Variants in PHC2 observed in about 807,000 individuals in gnomAD.
PHC2 encodes polyhomeotic homolog 2.
PHC2 carries 29 observed loss-of-function variants against 87.4 expected under a neutral mutation model. That is an observed-to-expected ratio of 0.33 (90% CI 0.25 to 0.45). The LOEUF (loss-of-function observed/expected upper bound fraction) is 0.45. Among genes scored for constraint, PHC2 ranks in the 20% least tolerant of loss-of-function variants. The pLI is 1.00. For synonymous variants in PHC2, 438 were observed against 461.7 expected (o/e 0.95, Z 0.66); for missense variants, 857 against 1,136.7 (o/e 0.75, Z 3.54).
chr1:33,353,922 C>A (rs539089346), intron 9 of PHC2, among the ~76,000 whole-genome samples: 4 of 152,212 alleles, frequency 2.6e-5, no homozygotes, highest in African/African-American at 9.7e-5. Context: ...CAGAGCTGAG[C>A]AGTTTTCCTC....
intron 1 of PHC2, among the ~76,000 whole-genome samples, chr1:33,423,914 TG>T (rs1289270784): frequency 6.6e-6 from 1 of 152,008 alleles, no homozygotes; most frequent in Non-Finnish European, 1.5e-5. Flanking sequence ...CTGGACAACG[TG>T]GTGAAACCAC....
chr1:33,350,717 C>A (rs1363107137), intron 9 of PHC2, among the ~76,000 whole-genome samples: 2 of 152,222 alleles, frequency 1.3e-5, no homozygotes, highest in Middle Eastern at 3.4e-3. Context: ...CTTCTCCCCC[C>A]ACCCCTTTCC....
At chr1:33,391,681 T>C (rs1041955904) in intron 1 of PHC2, among the ~76,000 whole-genome samples, 1 of 151,674 alleles carries the variant, frequency 6.6e-6, no homozygotes, top group South Asian at 2.1e-4. Context: ...GTGCTTCTAT[T>C]TTATCATTTA....
At chr1:33,354,159 C>T (rs1647023359) in intron 9 of PHC2, among the ~76,000 whole-genome samples, 1 of 152,188 alleles carries the variant, frequency 6.6e-6, no homozygotes, top group Non-Finnish European at 1.5e-5. Context: ...CAGGTAGGCC[C>T]CAGTGTCTGG....
chr1:33,332,194 G>T lies in PHC2; in HGVS notation c.1891+81C>A. The T allele has an allele frequency of 6.5e-7, 1 of 1,529,350 alleles. No homozygotes were observed. The highest frequency in any genetic ancestry group is 9.0e-7 in the Non-Finnish European group (1 of 1,106,938). 94.7% of individuals were successfully genotyped at this position (1,529,350 alleles called of 1,614,324 possible). On this transcript the variant is annotated intron_variant, in intron 11 of 14. Coordinates refer to ENST00000683057, the MANE Select transcript of PHC2 (RefSeq NM_001385109.1). This position sits in a 1 kb window ranked among gnomAD's most constrained non-coding sequence, Gnocchi z 4.2. The stretch of plus-strand genomic sequence containing the variant: ...CTCGCTGGCTCAGGGTTCCTCTGGG[G>T]AAACAGAGAGAGGAAGTGTGTGAGG...
intron 13 of PHC2, among the ~76,000 whole-genome samples, chr1:33,329,647 T>C (rs948709708): frequency 2.0e-5 from 3 of 152,194 alleles, no homozygotes; most frequent in Non-Finnish European, 4.4e-5. Context: ...TGAATACCCA[T>C]GTTCCTGGTA....
Position 33,334,312 on chromosome 1 carries a change from A to T in PHC2, c.1559-20T>A. On this transcript the variant is annotated intron_variant, in intron 9 of 14. Transcript: ENST00000683057. This position sits in a 1 kb window ranked among gnomAD's most constrained non-coding sequence, Gnocchi z 5.5. ...CTGTCTCTGCACGAGAGAGAGTAGG[A>T]AAACAAAGCAGGGGAGATCAGAACC... The T allele has an allele frequency of 6.2e-7, 1 of 1,608,000 alleles. No individual in the cohort carries two copies. The highest frequency in any genetic ancestry group is 1.3e-5 in the African/African-American group (1 of 74,886).
chr1:33,360,592 C>A (rs58369641), intron 7 of PHC2, among the ~76,000 whole-genome samples: 2,619 of 152,342 alleles, frequency 0.017, 70 homozygotes, highest in African/African-American at 0.059. Context: ...CAAAGAGATT[C>A]ACTGCCTTTG....
intron 9 of PHC2, among the ~76,000 whole-genome samples, chr1:33,350,676 T>G (rs534659004): frequency 1.3e-5 from 2 of 152,312 alleles, no homozygotes; most frequent in East Asian, 1.9e-4. Flanking sequence ...TTTCTTGCCT[T>G]CCTTAGTATT....
chr1:33,424,088 A>G (rs1349625581), intron 1 of PHC2, among the ~76,000 whole-genome samples: 1 of 143,184 alleles, frequency 7.0e-6, no homozygotes, highest in Non-Finnish European at 1.5e-5. Flanking sequence ...ACAGAACGAG[A>G]CTCCGTCTCA....
Position 33,349,344 on chromosome 1 carries a change from C to T in PHC2, c.1558+5057G>A. The T allele has an allele frequency of 1.0e-6, 1 of 985,310 alleles. No homozygotes were observed. Among genetic ancestry groups the T allele is most frequent in the African/African-American group, 1.7e-5 (1 of 57,320 alleles). 61.0% of individuals were successfully genotyped at this position (985,310 alleles called of 1,614,324 possible). A position where few individuals can be genotyped will look rare whatever the true frequency, so the allele number is the denominator to read the frequency against. ...GGGTGGGGTGTGCGGGGCCTGGGGACGCGGAAGCTGCGGCGCGCCGAGGTG... is the reference window on the plus strand; with the variant it reads ...GGGTGGGGTGTGCGGGGCCTGGGGATGCGGAAGCTGCGGCGCGCCGAGGTG... On this transcript the variant is annotated intron_variant, in intron 9 of 14. Transcript: ENST00000683057. This position sits in a 1 kb window ranked among gnomAD's most constrained non-coding sequence, Gnocchi z 4.2.
chr1:33,354,632 C>G, intron 8 of PHC2, 66 bp from the exon 9 acceptor site: 1 of 1,507,742 alleles, frequency 6.6e-7, no homozygotes, highest in Non-Finnish European at 9.0e-7. Context: ...GGATACTTCC[C>G]TGGTTTCCAT....
chr1:33,405,666 A>T (rs1431086313), intron 1 of PHC2, among the ~76,000 whole-genome samples: 1 of 152,024 alleles, frequency 6.6e-6, no homozygotes, highest in Non-Finnish European at 1.5e-5. Context: ...AAAGCCATAA[A>T]TTTTCCTCTA....
chr1:33,347,633 G>A (rs1557826061), intron 9 of PHC2: 2 of 985,348 alleles, frequency 2.0e-6, no homozygotes, highest in Non-Finnish European at 2.4e-6. Context: ...ACCGACTCAA[G>A]TACAACAGAA....
intron 1 of PHC2, among the ~76,000 whole-genome samples, chr1:33,410,903 A>C (rs1649956362): frequency 6.6e-6 from 1 of 152,190 alleles, no homozygotes; most frequent in Admixed American, 6.5e-5. Context: ...ACATCATATT[A>C]TGGTCACAGT....
chr1:33,335,950 G>T (rs1390664636), intron 9 of PHC2, among the ~76,000 whole-genome samples: 1 of 151,764 alleles, frequency 6.6e-6, no homozygotes, highest in African/African-American at 2.4e-5. Context: ...TTCATAATGG[G>T]TCTTGGTCCA....
intron 9 of PHC2, chr1:33,346,248 G>GGGGGGGGGGGGC: frequency 7.0e-6 from 2 of 284,126 alleles, no homozygotes; most frequent in Non-Finnish European, 1.0e-5. Context: ...GGGAGGGTGG[G>GGGGGGGGGGGGC]CAGGCTCAGA....
chr1:33,345,266 A>G (rs1432130525), intron 9 of PHC2: 4 of 152,314 alleles, frequency 2.6e-5, no homozygotes, highest in African/African-American at 9.6e-5. Context: ...GACGACAATC[A>G]TCTGAAAAAA....
intron 7 of PHC2, among the ~76,000 whole-genome samples, chr1:33,362,708 G>A (rs187034089): frequency 2.5e-4 from 38 of 152,304 alleles, no homozygotes; most frequent in Admixed American, 2.5e-3. Flanking sequence ...CTGGGCTTAG[G>A]TGCTTCCCAG....
Sources: allele counts gnomAD v4.1 joint callset (sites outside exome capture counted in the v4.1 genomes callset), GRCh38; gene constraint gnomAD v4.1.1; non-coding constraint Gnocchi (gnomAD v3.1); transcripts MANE v1.5; gene names NCBI Gene and HGNC (gene_info 2026-07-23, HGNC 2026-07-21).